The following GLG1 variants were observed in gnomAD, a reference collection of about 807,000 sequenced individuals.
GLG1 encodes Golgi apparatus protein 1.
A neutral mutation model predicts 160.5 loss-of-function variants in GLG1; 38 were observed. That is an observed-to-expected ratio of 0.24 (90% CI 0.18 to 0.31). The LOEUF is 0.31. Among genes scored for constraint, GLG1 ranks in the 10% least tolerant of loss-of-function variants. GLG1 has a pLI of 1.00. For synonymous variants in GLG1, 644 were observed against 543.4 expected, an observed-to-expected ratio of 1.19 and a Z score of -2.57; for missense variants, 1,373 against 1,505.2, an observed-to-expected ratio of 0.91 and a Z score of 1.45.
At chr16:74,605,023 C>G (rs936120728) in intron 1 of GLG1, among the ~76,000 whole-genome samples, 1 of 151,874 alleles carries the variant, frequency 6.6e-6, no homozygotes, top group African/African-American at 2.4e-5. Context: ...TCCAGCCTGG[C>G]GACAGAGTGA....
At chr16:74,535,940 G>A (rs2017675506) in intron 1 of GLG1, among the ~76,000 whole-genome samples, 1 of 152,130 alleles carries the variant, frequency 6.6e-6, no homozygotes, top group South Asian at 2.1e-4. Flanking sequence ...AGGAAGAGAA[G>A]AGAGAGAACG....
rs56122377 is a variant in GLG1 at position 74,600,731 on chromosome 16, C to CAAAAAAAAAAAAA, written c.438+5913_438+5925dup. Among the ~76,000 whole-genome samples, 4 of 112,604 alleles carry CAAAAAAAAAAAAA rather than the reference C, an allele frequency of 3.6e-5. 1 individual carries two copies. Among genetic ancestry groups the CAAAAAAAAAAAAA allele is most frequent in the Admixed American group, 8.8e-5 (1 of 11,332 alleles). The allele number at this position is 112,604 out of a possible 152,430, so 73.9% of individuals were successfully genotyped here. Reference sequence around the variant, plus strand: ...TGGGCGACTGAGAAAGATTCCACCTCAAAAAAAAAAAAAAAAAAAAAAACA... The same window carrying CAAAAAAAAAAAAA: ...TGGGCGACTGAGAAAGATTCCACCTCAAAAAAAAAAAAAAAAAAAAAAAAAAAAAAAAAAAACA... On this transcript the variant is annotated intron_variant, in intron 1 of 25. Coordinates refer to ENST00000422840, the MANE Select transcript of GLG1 (RefSeq NM_001145667.2).
rs553549791 is a variant in GLG1 at position 74,484,322 on chromosome 16, G to GT, written c.1572-1199dup. Among the ~76,000 whole-genome samples the GT allele has an allele frequency of 1.5e-3, 223 of 151,736 alleles. 1 individual carries two copies. The South Asian group carries it at 0.016, about 11-fold the overall frequency. ...GGGAAAGCTGCTCTTACTTGCAACT[G>GT]TTTTTTTTTGTTTTTGTTTTTGTTT... On this transcript the variant is annotated intron_variant, in intron 9 of 25. Transcript: ENST00000422840.
At chr16:74,543,766 T>C (rs868642434) in intron 1 of GLG1, among the ~76,000 whole-genome samples, 66 of 152,140 alleles carry the variant, frequency 4.3e-4, no homozygotes, top group African/African-American at 1.5e-3. Flanking sequence ...TTTTCTGTTA[T>C]GAAATTAACT....
chr16:74,504,357 G>A (rs765719983), intron 3 of GLG1, among the ~76,000 whole-genome samples: 7 of 152,044 alleles, frequency 4.6e-5, no homozygotes, highest in African/African-American at 1.5e-4. Flanking sequence ...ACATGATCTC[G>A]GCTCACTGAA....
chr16:74,579,832 A>T (rs955471528), intron 1 of GLG1, among the ~76,000 whole-genome samples: 7 of 152,148 alleles, frequency 4.6e-5, no homozygotes, highest in Admixed American at 4.6e-4. Flanking sequence ...TGGGAGGCGA[A>T]GGCAGGTGGA....
intron 1 of GLG1, among the ~76,000 whole-genome samples, chr16:74,545,664 T>A (rs951025502): frequency 5.3e-5 from 8 of 152,248 alleles, no homozygotes; most frequent in African/African-American, 1.9e-4. Context: ...TTCACCCATG[T>A]CTTTTAAAGT....
intron 1 of GLG1, among the ~76,000 whole-genome samples, chr16:74,598,702 G>A: frequency 6.6e-6 from 1 of 151,564 alleles, no homozygotes; most frequent in East Asian, 1.9e-4. Context: ...AGACCACCCT[G>A]GTCAACATGG....
intron 1 of GLG1, among the ~76,000 whole-genome samples, chr16:74,541,687 C>G (rs1041133670): frequency 3.3e-5 from 5 of 152,136 alleles, no homozygotes; most frequent in African/African-American, 1.2e-4. Flanking sequence ...TAAAATCTAA[C>G]CATTTTAAAC....
chr16:74,574,127 C>T (rs768959420), intron 1 of GLG1, among the ~76,000 whole-genome samples: 4 of 152,172 alleles, frequency 2.6e-5, no homozygotes, highest in Admixed American at 6.5e-5. Flanking sequence ...CCTAAAGATA[C>T]TAAAGGTCTA....
At chr16:74,497,798 CTT>C (rs1434778666) in intron 4 of GLG1, among the ~76,000 whole-genome samples, 1 of 152,186 alleles carries the variant, frequency 6.6e-6, no homozygotes, top group Non-Finnish European at 1.5e-5. Context: ...AAGTTAGAGA[CTT>C]TCTTGCTCCT....
At chr16:74,502,722 G>GTTTTTTTTT (rs745410150) in intron 4 of GLG1, among the ~76,000 whole-genome samples, 34 of 109,568 alleles carry the variant, frequency 3.1e-4, no homozygotes, top group African/African-American at 4.6e-4. Context: ...TTTGTTTTTG[G>GTTTTTTTTT]TTTTTTTTTT....
chr16:74,566,983 G>A (rs2018670865), intron 1 of GLG1, among the ~76,000 whole-genome samples: 1 of 152,134 alleles, frequency 6.6e-6, no homozygotes, highest in Admixed American at 6.6e-5. Context: ...GATATCAGAG[G>A]AGAAAATGTT....
chr16:74,474,384 C>T (rs962806760), intron 13 of GLG1, 162 bp downstream of exon 13: 12 of 609,824 alleles, frequency 2.0e-5, no homozygotes, highest in South Asian at 9.9e-5. Flanking sequence ...CAAAGCAACA[C>T]AATATACTTC....
Position 74,451,766 on chromosome 16 carries a change from G to A in GLG1, c.*1401C>T. The stretch of plus-strand genomic sequence containing the variant: ...AAGGAGTGCCACGCTGAACCATGAT[G>A]CCCGGACCCCTCCCTCTCACACCCA... On this transcript the variant is annotated 3_prime_UTR_variant, in exon 26 of 26. Coordinates refer to ENST00000422840, the MANE Select transcript of GLG1 (RefSeq NM_001145667.2). 2.5e-6 allele frequency: 1 copy of A among 396,848 alleles called. No homozygotes were observed. 24.6% of individuals were successfully genotyped at this position (396,848 alleles called of 1,614,324 possible).
chr16:74,536,627 A>T (rs1354675345), intron 1 of GLG1, among the ~76,000 whole-genome samples: 1 of 152,216 alleles, frequency 6.6e-6, no homozygotes, highest in Non-Finnish European at 1.5e-5. Flanking sequence ...AAGAAGTTAC[A>T]TGATCCCTTG....
At chr16:74,469,717 C>G in intron 16 of GLG1, 1 of 477,214 alleles carries the variant, frequency 2.1e-6, no homozygotes, top group Non-Finnish European at 3.8e-6. Context: ...AGTACACAAT[C>G]CAGCCCTACT....
At chr16:74,520,317 T>A (rs778296841) in intron 2 of GLG1, among the ~76,000 whole-genome samples, 29 of 152,190 alleles carry the variant, frequency 1.9e-4, no homozygotes, top group Non-Finnish European at 3.7e-4. Flanking sequence ...CTCATTTTCT[T>A]TAAGCACATC....
intron 2 of GLG1, among the ~76,000 whole-genome samples, chr16:74,514,434 C>T (rs190236562): frequency 6.6e-6 from 1 of 152,208 alleles, no homozygotes; most frequent in African/African-American, 2.4e-5. Context: ...AGACTAACAG[C>T]AGATCTCTTT....
Sources: allele counts gnomAD v4.1 joint callset (sites outside exome capture counted in the v4.1 genomes callset), GRCh38; gene constraint gnomAD v4.1.1; transcripts MANE v1.5; gene names NCBI Gene and HGNC (gene_info 2026-07-23, HGNC 2026-07-21).